ZFAT: variants seen among roughly 807,000 people sequenced by gnomAD.
ZFAT encodes zinc finger and AT-hook domain containing.
A neutral mutation model predicts 117.7 loss-of-function variants in ZFAT; 64 were observed. The observed-to-expected ratio is 0.54, with a 90% CI of 0.44 to 0.67. ZFAT has a LOEUF of 0.67. Among genes scored for constraint, ZFAT ranks in the 30% least tolerant of loss-of-function variants. ZFAT has a pLI of 0.00. For missense variants in ZFAT, 1,433 were observed against 1,584.5 expected, an observed-to-expected ratio of 0.90 and a Z score of 1.62; for synonymous variants, 679 against 615.0, an observed-to-expected ratio of 1.10 and a Z score of -1.54.
intron 11 of ZFAT, among the ~76,000 whole-genome samples, chr8:134,562,257 T>C (rs1046718220): frequency 3.3e-5 from 5 of 152,048 alleles, no homozygotes; most frequent in African/African-American, 1.2e-4. Flanking sequence ...CTAGAAAAAA[T>C]GCAGCCCTGC....
At chr8:134,510,125 A>T (rs1284281655) in intron 14 of ZFAT, 3 of 459,370 alleles carry the variant, frequency 6.5e-6, no homozygotes, top group Non-Finnish European at 1.3e-5. Context: ...GGGAGCACCC[A>T]GCAAGCCCGT....
chr8:134,816,692 T>C, the ZFAT span, among the ~76,000 whole-genome samples: 1 of 152,090 alleles, frequency 6.6e-6, no homozygotes, highest in Non-Finnish European at 1.5e-5. Context: ...AGCTTAAAAA[T>C]GCATACCACT....
chr8:134,632,481 T>C (rs1306539246), intron 3 of ZFAT, among the ~76,000 whole-genome samples: 2 of 152,202 alleles, frequency 1.3e-5, no homozygotes, highest in Non-Finnish European at 2.9e-5. Context: ...AAGTCAACTA[T>C]ATAACTGCCT....
At chr8:134,814,237 A>G in the ZFAT span, among the ~76,000 whole-genome samples, 7 of 152,240 alleles carry the variant, frequency 4.6e-5, no homozygotes, top group African/African-American at 1.7e-4. Context: ...TAGCGTTCTT[A>G]GGAATGGCTA....
Position 134,538,661 on chromosome 8 carries a change from G to A in ZFAT, c.2977-5689C>T, listed in dbSNP as rs140518134. On this transcript the variant is annotated intron_variant, in intron 11 of 15. Coordinates refer to ENST00000377838, the MANE Select transcript of ZFAT (RefSeq NM_020863.4). ...AAAATACAAAAATTAGCCGGGCATGGTGGTACATGCCTGTAGTCCCAGCTA... is the reference window on the plus strand; with the variant it reads ...AAAATACAAAAATTAGCCGGGCATGATGGTACATGCCTGTAGTCCCAGCTA... Among the ~76,000 whole-genome samples, 48 of 152,126 alleles carry A rather than the reference G, an allele frequency of 3.2e-4. No individual in the cohort carries two copies. In the East Asian group the frequency reaches 7.8e-3, roughly 25 times the overall value.
intron 1 of ZFAT, 106 bp downstream of exon 1, chr8:134,712,739 G>GGCGGCCGGGGCGGCCGGCGGCCGGC: frequency 1.8e-6 from 2 of 1,135,924 alleles, no homozygotes; most frequent in Non-Finnish European, 2.3e-6. Flanking sequence ...GCCGGCGGCC[G>GGCGGCCGGGGCGGCCGGCGGCCGGC]GCGGCCGGCG....
intron 15 of ZFAT, among the ~76,000 whole-genome samples, chr8:134,482,046 C>T (rs1817346103): frequency 2.0e-5 from 3 of 152,240 alleles, no homozygotes; most frequent in Admixed American, 2.0e-4. Context: ...TTTCACCACT[C>T]TCCTCCCCAG....
chr8:134,603,506 T>G (rs1434545035), intron 5 of ZFAT, among the ~76,000 whole-genome samples: 1 of 152,238 alleles, frequency 6.6e-6, no homozygotes, highest in Non-Finnish European at 1.5e-5. Context: ...TCCTATTCAT[T>G]CAACCAACTG....
intron 11 of ZFAT, among the ~76,000 whole-genome samples, chr8:134,551,234 A>G (rs1484988222): frequency 6.6e-6 from 1 of 152,198 alleles, no homozygotes; most frequent in Non-Finnish European, 1.5e-5. Context: ...CAAAATCCCA[A>G]CTCTAGCTCA....
chr8:134,710,847 C>A (rs1399526000), intron 1 of ZFAT, among the ~76,000 whole-genome samples: 3 of 152,192 alleles, frequency 2.0e-5, no homozygotes, highest in African/African-American at 2.4e-5. Context: ...TCTGGCATCG[C>A]CATCATTCCC....
intron 1 of ZFAT, among the ~76,000 whole-genome samples, 169 bp from the exon 2 acceptor site, chr8:134,657,906 C>T (rs1234394377): frequency 3.3e-5 from 5 of 152,194 alleles, no homozygotes; most frequent in Admixed American, 2.0e-4. Flanking sequence ...CTTTCATCTT[C>T]AGGGAGATCC....
intron 1 of ZFAT, among the ~76,000 whole-genome samples, chr8:134,705,336 G>A (rs1381990000): frequency 6.6e-6 from 1 of 150,418 alleles, no homozygotes; most frequent in Non-Finnish European, 1.5e-5. Context: ...GATTAGCTGG[G>A]ACCAAAGGCA....
At chr8:134,669,081 T>G (rs925461719) in intron 1 of ZFAT, among the ~76,000 whole-genome samples, 1 of 152,124 alleles carries the variant, frequency 6.6e-6, no homozygotes, top group African/African-American at 2.4e-5. Context: ...GAACAAAGCC[T>G]CCAAGAAATA....
At chr8:134,749,401 T>C in the ZFAT span, among the ~76,000 whole-genome samples, 1 of 152,188 alleles carries the variant, frequency 6.6e-6, no homozygotes, top group Non-Finnish European at 1.5e-5. Flanking sequence ...GCCAACAAGT[T>C]TGGTGTATGG....
chr8:134,494,780 A>G (rs1175074466), intron 15 of ZFAT, among the ~76,000 whole-genome samples: 1 of 152,262 alleles, frequency 6.6e-6, no homozygotes, highest in Admixed American at 6.5e-5. Flanking sequence ...TAAATCACTC[A>G]TCAAACTTAT....
chr8:134,607,896 G>A (rs556068890), intron 5 of ZFAT, among the ~76,000 whole-genome samples: 1 of 152,312 alleles, frequency 6.6e-6, no homozygotes, highest in East Asian at 1.9e-4. Flanking sequence ...CAGTGTATCT[G>A]GAGGACAGTT....
intron 1 of ZFAT, among the ~76,000 whole-genome samples, chr8:134,699,825 G>A (rs755246305): frequency 5.9e-5 from 9 of 152,228 alleles, no homozygotes; most frequent in Non-Finnish European, 1.3e-4. Flanking sequence ...TAACCTCTCT[G>A]GTGGTTAAGA....
rs550929407 is a variant in ZFAT at position 134,478,057 on chromosome 8, T to C, written c.*425A>G. On this transcript the variant is annotated 3_prime_UTR_variant, in exon 16 of 16. Coordinates refer to ENST00000377838, the MANE Select transcript of ZFAT (RefSeq NM_020863.4). This position sits in a 1 kb window ranked among gnomAD's most constrained non-coding sequence, Gnocchi z 5.2. ...GGTCACTTTCTATGTGATGGCTGTCTCCCTCTCACCAGACTGCATAGCGGT... is the reference window on the plus strand; with the variant it reads ...GGTCACTTTCTATGTGATGGCTGTCCCCCTCTCACCAGACTGCATAGCGGT... The C allele has an allele frequency of 5.1e-6, 1 of 197,044 alleles. No individual in the cohort carries two copies. Among genetic ancestry groups the C allele is most frequent in the Admixed American group, 5.2e-5 (1 of 19,222 alleles). The allele number at this position is 197,044 out of a possible 1,614,324, so 12.2% of individuals were successfully genotyped here.
intron 15 of ZFAT, among the ~76,000 whole-genome samples, chr8:134,486,941 T>C (rs191623093): frequency 1.3e-5 from 2 of 152,172 alleles, no homozygotes; most frequent in African/African-American, 4.8e-5. Flanking sequence ...TGTGTATATG[T>C]GTGTTCATGT....
Sources: gnomAD v4.1 joint callset for allele counts (sites outside exome capture counted in the v4.1 genomes callset) on GRCh38, gnomAD v4.1.1 for gene constraint, Gnocchi (gnomAD v3.1) non-coding constraint, MANE v1.5 for transcripts, NCBI Gene and HGNC (gene_info 2026-07-23, HGNC 2026-07-21) for gene names.